The following MGAT4C variants were observed in gnomAD, a reference collection of about 807,000 sequenced individuals.
MGAT4C encodes the protein MGAT4 family member C.
MGAT4C carries 19 observed loss-of-function variants against 40.1 expected under a neutral mutation model. The ratio of observed to expected loss-of-function variants is 0.47; its 90% CI spans 0.33 to 0.70. The LOEUF (loss-of-function observed/expected upper bound fraction) is 0.70. MGAT4C is among the 30% of genes least tolerant of loss of function. The pLI is 0.02. For missense variants in MGAT4C, 491 were observed against 563.2 expected (o/e 0.87, Z 1.30); for synonymous variants, 181 against 187.1 (o/e 0.97, Z 0.27).
At chr12:86,485,562 T>C (rs2136317380) in intron 2 of MGAT4C, among the ~76,000 whole-genome samples, 1 of 152,230 alleles carries the variant, frequency 6.6e-6, no homozygotes, top group Admixed American at 6.5e-5. Context: ...GAACAAAATC[T>C]TCAAGAAATA....
rs1883635087 is a variant in MGAT4C, at chr12:85,971,827, T to C, written c.*7462A>G. 6.6e-6 allele frequency: 1 copy of C among 151,200 alleles called. No homozygotes were observed. The highest frequency in any genetic ancestry group is 1.5e-5 in the Non-Finnish European group (1 of 67,328). The allele number at this position is 151,200 out of a possible 1,614,324, so 9.4% of individuals were successfully genotyped here. A position where few individuals can be genotyped will look rare whatever the true frequency, so the allele number is the denominator to read the frequency against. On this transcript the variant is annotated 3_prime_UTR_variant, in exon 5 of 5. Transcript: ENST00000611864. The stretch of plus-strand genomic sequence containing the variant: ...CATGTTTGTAACATTTCCCCTGTTG[T>C]TATTTTTACACATCTGGATGCTCAG...
chr12:86,164,931 A>T (rs1270979585), intron 1 of MGAT4C, among the ~76,000 whole-genome samples: 2 of 152,200 alleles, frequency 1.3e-5, no homozygotes, highest in Admixed American at 1.3e-4. Flanking sequence ...TAAAATGTTG[A>T]CATTGAACTA....
chr12:86,617,982 C>CA lies in MGAT4C; in HGVS notation c.-229+109226dup, dbSNP rs780971700. Among the ~76,000 whole-genome samples, 48 of 151,924 alleles carry CA rather than the reference C, an allele frequency of 3.2e-4. 1 individual carries two copies. Among genetic ancestry groups the CA allele is most frequent in the Admixed American group, 1.6e-3 (24 of 15,264 alleles). The stretch of plus-strand genomic sequence containing the variant: ...AATATGTAAGGAACTCACATAATAG[C>CA]AAAAAAACAAATAATCCCATTAAAA... On this transcript the variant is annotated intron_variant, in intron 2 of 7. Coordinates refer to the MGAT4C transcript ENST00000548651.
intron 2 of MGAT4C, among the ~76,000 whole-genome samples, chr12:86,613,205 G>A (rs1962342827): frequency 6.6e-6 from 1 of 151,934 alleles, no homozygotes. Context: ...AATCTCTGTT[G>A]TCTACCACAA....
At chr12:86,050,965 A>G (rs1892837721) in intron 1 of MGAT4C, among the ~76,000 whole-genome samples, 1 of 152,056 alleles carries the variant, frequency 6.6e-6, no homozygotes, top group African/African-American at 2.4e-5. Flanking sequence ...GCAGAACTTA[A>G]AGAGACCCAA....
chr12:86,502,774 CACGAGTTCTGCTCATATAT>C (rs1246446595), intron 2 of MGAT4C, among the ~76,000 whole-genome samples: 82 of 116,582 alleles, frequency 7.0e-4, no homozygotes, highest in African/African-American at 2.5e-3. Context: ...TATATGTATA[CACGAGTTCTGCTCATATAT>C]ATGTATACAC....
At chr12:86,494,622 T>A (rs1592916644) in intron 2 of MGAT4C, among the ~76,000 whole-genome samples, 4 of 147,352 alleles carry the variant, frequency 2.7e-5, no homozygotes, top group East Asian at 2.0e-4. Context: ...AGCAATCATT[T>A]AAAAAAAAAA....
intron 1 of MGAT4C, among the ~76,000 whole-genome samples, chr12:86,813,462 T>C (rs1952515973): frequency 7.0e-6 from 1 of 143,748 alleles, no homozygotes; most frequent in Admixed American, 6.9e-5. Context: ...TGAATTTTCC[T>C]GGTACCATAT....
At chr12:86,699,916 A>C (rs539730395) in intron 2 of MGAT4C, among the ~76,000 whole-genome samples, 1 of 151,876 alleles carries the variant, frequency 6.6e-6, no homozygotes, top group Non-Finnish European at 1.5e-5. Flanking sequence ...GAGGTGGAGG[A>C]GGTGGAATGG....
intron 2 of MGAT4C, among the ~76,000 whole-genome samples, chr12:86,487,444 G>A (rs963299244): frequency 4.6e-5 from 7 of 152,038 alleles, no homozygotes; most frequent in Non-Finnish European, 7.4e-5. Flanking sequence ...TTTCTTATTC[G>A]TAAGTTTTGG....
intron 3 of MGAT4C, among the ~76,000 whole-genome samples, chr12:86,404,102 G>A (rs1956419389): frequency 6.6e-6 from 1 of 152,118 alleles, no homozygotes; most frequent in African/African-American, 2.4e-5. Context: ...AGGATTGCTT[G>A]AGCCCAGAAG....
intron 1 of MGAT4C, among the ~76,000 whole-genome samples, chr12:86,087,912 C>T (rs1380693065): frequency 6.6e-6 from 1 of 151,862 alleles, no homozygotes; most frequent in Non-Finnish European, 1.5e-5. Context: ...CAAAAAAGAG[C>T]TTGAATAGCC....
chr12:86,818,852 C>A (rs10777005), intron 1 of MGAT4C, among the ~76,000 whole-genome samples: 51,793 of 150,580 alleles, frequency 0.34, 9,930 homozygotes, highest in Admixed American at 0.47. Context: ...AACGAATGGA[C>A]AAGATATTTA....
chr12:86,401,026 A>G (rs1220935617), intron 3 of MGAT4C, among the ~76,000 whole-genome samples: 1 of 152,132 alleles, frequency 6.6e-6, no homozygotes, highest in Non-Finnish European at 1.5e-5. Context: ...TACTAAAGAA[A>G]AATTGAATAC....
rs117998057 is a variant in MGAT4C, at chr12:86,054,142, C to G, written c.-56-4419G>C. Among the ~76,000 whole-genome samples, 200 of 152,056 alleles carry G rather than the reference C, an allele frequency of 1.3e-3. 2 individuals carry two copies. The highest frequency in any genetic ancestry group is 3.4e-3 in the Middle Eastern group (1 of 294). On this transcript the variant is annotated intron_variant, in intron 1 of 4. Coordinates refer to ENST00000611864, the MANE Select transcript of MGAT4C (RefSeq NM_001351288.2). ...GTATGTCAAAGAGATACCTGCACTCCCATGTTTATTGCAGCACTCTTCATA... is the reference window on the plus strand; with the variant it reads ...GTATGTCAAAGAGATACCTGCACTCGCATGTTTATTGCAGCACTCTTCATA...
rs111681046 is a variant in MGAT4C, at chr12:86,130,677, A to T, written c.-56-80954T>A. On this transcript the variant is annotated intron_variant, in intron 1 of 4. Coordinates refer to ENST00000611864, the MANE Select transcript of MGAT4C (RefSeq NM_001351288.2). ...ATGTTTTCAATGATTTTTTTTCTGAAATAGGTATGAGCTTATAATAATACA... is the reference window on the plus strand; with the variant it reads ...ATGTTTTCAATGATTTTTTTTCTGATATAGGTATGAGCTTATAATAATACA... Among the ~76,000 whole-genome samples, 408 of 152,098 alleles carry T rather than the reference A, an allele frequency of 2.7e-3. 1 individual carries two copies. The highest frequency in any genetic ancestry group is 9.6e-3 in the African/African-American group (398 of 41,554).
In MGAT4C at chr12:86,420,873, A is replaced by G. The variant is rs115015294; in HGVS notation, c.-120+14284T>C. ...TATACATATATATGTGTATATATAT[A>G]CATACATGTATATGTGTATATATAC... On this transcript the variant is annotated intron_variant, in intron 3 of 7. Coordinates refer to the MGAT4C transcript ENST00000548651. Among the ~76,000 whole-genome samples, 844 of 146,792 alleles carry G rather than the reference A, an allele frequency of 5.7e-3. 6 individuals carry two copies. The highest frequency in any genetic ancestry group is 0.02 in the African/African-American group (807 of 40,812).
intron 1 of MGAT4C, among the ~76,000 whole-genome samples, chr12:86,207,108 TTTC>T (rs1950287313): frequency 1.6e-5 from 1 of 61,340 alleles, no homozygotes; most frequent in Non-Finnish European, 4.4e-5. Context: ...GACCCTTTTT[TTTC>T]TTTTTTTTTT....
intron 1 of MGAT4C, among the ~76,000 whole-genome samples, chr12:86,125,389 T>C (rs1444567637): frequency 6.6e-6 from 1 of 152,174 alleles, no homozygotes. Context: ...CTGTTTATGG[T>C]GCCTTTGGGT....
Sources: allele counts gnomAD v4.1 joint callset (sites outside exome capture counted in the v4.1 genomes callset), GRCh38; gene constraint gnomAD v4.1.1; transcripts MANE v1.5; gene names NCBI Gene and HGNC (gene_info 2026-07-23, HGNC 2026-07-21).